Variants in C16orf74 observed in about 807,000 individuals in gnomAD.
The protein encoded by C16orf74 is calcimembrin.
C16orf74 carries 10 observed loss-of-function variants against 6.5 expected under a neutral mutation model. The ratio of observed to expected loss-of-function variants is 1.54; its 90% CI spans 0.95 to 2.61. C16orf74 has a LOEUF of 2.61. C16orf74 is among the 30% of genes most tolerant of loss of function. The pLI is 0.00. For missense variants in C16orf74, 141 were observed against 105.9 expected (o/e 1.33, Z -1.45); for synonymous variants, 60 against 42.5 (o/e 1.41, Z -1.60).
At chr16:85,748,925 ATTTTTT>A (rs748594620) in intron 1 of C16orf74, among the ~76,000 whole-genome samples, 8 of 73,122 alleles carry the variant, frequency 1.1e-4, no homozygotes, top group Non-Finnish European at 2.1e-4. Flanking sequence ...GGAGGCTTTG[ATTTTTT>A]TTTTTTTTTT....
At chr16:85,746,211 A>G (rs368765) in intron 1 of C16orf74, among the ~76,000 whole-genome samples, 152,013 of 152,132 alleles carry the variant, frequency 1, 75,947 homozygotes, top group Middle Eastern at 1. Flanking sequence ...TTAACTGGGC[A>G]TGGCAGAGGG....
At chr16:85,710,334 C>T (rs199610353) in intron 2 of C16orf74, 27 bp from the exon 3 acceptor site, 39 of 1,463,514 alleles carry the variant, frequency 2.7e-5, no homozygotes, top group Middle Eastern at 1.7e-4. Flanking sequence ...GGAGCACACA[C>T]GCACGTACAC....
chr16:85,727,095 C>G (rs548783253), intron 2 of C16orf74, among the ~76,000 whole-genome samples: 1 of 152,258 alleles, frequency 6.6e-6, no homozygotes, highest in Admixed American at 6.5e-5. Flanking sequence ...CCTGTAGCCC[C>G]GGCACCTGGG....
At chr16:85,740,800 C>A (rs1372039082) in intron 1 of C16orf74, among the ~76,000 whole-genome samples, 2 of 140,764 alleles carry the variant, frequency 1.4e-5, no homozygotes, top group African/African-American at 5.4e-5. Context: ...CCACTACACT[C>A]CAGCCTGGGC....
chr16:85,717,137 C>T (rs2054033438), intron 2 of C16orf74, among the ~76,000 whole-genome samples: 2 of 152,214 alleles, frequency 1.3e-5, no homozygotes, highest in South Asian at 2.1e-4. Flanking sequence ...GGCAGAGCCA[C>T]GCAGACCAGA....
intron 1 of C16orf74, among the ~76,000 whole-genome samples, chr16:85,739,180 AG>A (rs1420309705): frequency 6.6e-6 from 1 of 152,094 alleles, no homozygotes; most frequent in African/African-American, 2.4e-5. Context: ...AATAAGCCAG[AG>A]GGAAAGCTGC....
At chr16:85,728,898 C>A (rs1339286561) in intron 2 of C16orf74, among the ~76,000 whole-genome samples, 1 of 152,208 alleles carries the variant, frequency 6.6e-6, no homozygotes, top group African/African-American at 2.4e-5. Flanking sequence ...CTCAAAGTTA[C>A]ACAGCCACTG....
At chr16:85,747,643 C>A (rs190155187) in intron 1 of C16orf74, among the ~76,000 whole-genome samples, 89 of 152,234 alleles carry the variant, frequency 5.8e-4, no homozygotes, top group African/African-American at 2.0e-3. Context: ...AAGTATCAAA[C>A]TGTAAAATAT....
chr16:85,742,809 G>T (rs894869185), intron 1 of C16orf74, among the ~76,000 whole-genome samples: 6 of 152,182 alleles, frequency 3.9e-5, no homozygotes, highest in African/African-American at 1.2e-4. Flanking sequence ...CCAAAGTGCT[G>T]GGATTACAGG....
At chr16:85,722,552 G>T (rs1347590158) in intron 2 of C16orf74, among the ~76,000 whole-genome samples, 2 of 152,226 alleles carry the variant, frequency 1.3e-5, no homozygotes, top group East Asian at 3.8e-4. Flanking sequence ...ACTCTGCAAG[G>T]TGAGCTCTCC....
Position 85,711,241 on chromosome 16 carries a change from G to A in C16orf74, c.29-934C>T, listed in dbSNP as rs564616374. Among the ~76,000 whole-genome samples, 8 of 151,416 alleles carry A rather than the reference G, an allele frequency of 5.3e-5. No homozygotes were observed. In the South Asian group the frequency reaches 8.3e-4, roughly 16 times the overall value. On this transcript the variant is annotated intron_variant, in intron 2 of 3. Coordinates refer to ENST00000284245, the MANE Select transcript of C16orf74 (RefSeq NM_206967.3). ...AGCAGGAGGAGAATCACTTAAACCC[G>A]GGAGGCAGAGGTTGAAGTAGGCTGA...
At chr16:85,733,139 G>A (rs1567809464) in intron 2 of C16orf74, among the ~76,000 whole-genome samples, 1 of 152,222 alleles carries the variant, frequency 6.6e-6, no homozygotes, top group African/African-American at 2.4e-5. Context: ...TCGCCAAAAG[G>A]TGGAAACAAC....
chr16:85,727,329 G>C (rs1441438408), intron 2 of C16orf74, among the ~76,000 whole-genome samples: 4 of 152,216 alleles, frequency 2.6e-5, no homozygotes, highest in African/African-American at 4.8e-5. Flanking sequence ...ATCAACCCCA[G>C]GCTGAGCCCC....
At chr16:85,732,211 G>T (rs1042311658) in intron 2 of C16orf74, among the ~76,000 whole-genome samples, 5 of 152,196 alleles carry the variant, frequency 3.3e-5, no homozygotes, top group Admixed American at 3.3e-4. Flanking sequence ...AAGAAACGAG[G>T]CCCTGCTCAC....
intron 2 of C16orf74, chr16:85,710,785 C>G (rs893801599): frequency 6.5e-6 from 1 of 154,558 alleles, no homozygotes; most frequent in Non-Finnish European, 1.4e-5. Context: ...CAAGCTCCTG[C>G]TTATCCTTCA....
chr16:85,732,364 A>C (rs193274597), intron 2 of C16orf74, among the ~76,000 whole-genome samples: 1 of 152,144 alleles, frequency 6.6e-6, no homozygotes, highest in African/African-American at 2.4e-5. Context: ...TCAAATATGG[A>C]GTTAAAATGA....
chr16:85,732,899 C>T (rs368267180), intron 2 of C16orf74, among the ~76,000 whole-genome samples: 198 of 152,228 alleles, frequency 1.3e-3, no homozygotes, highest in Non-Finnish European at 2.3e-3. Flanking sequence ...GACAGGAAGA[C>T]GGTCCTTTTA....
intron 2 of C16orf74, among the ~76,000 whole-genome samples, chr16:85,734,015 T>C (rs1468466941): frequency 6.6e-6 from 1 of 152,180 alleles, no homozygotes; most frequent in Non-Finnish European, 1.5e-5. Context: ...GGGTGGTCCA[T>C]TCATCCCGGC....
At chr16:85,716,099 G>C (rs978701161) in intron 2 of C16orf74, among the ~76,000 whole-genome samples, 3 of 152,196 alleles carry the variant, frequency 2.0e-5, no homozygotes, top group Middle Eastern at 3.4e-3. Context: ...CCCCTTCCTC[G>C]GTGAATACTC....
Sources: allele counts gnomAD v4.1 joint callset (sites outside exome capture counted in the v4.1 genomes callset), GRCh38; gene constraint gnomAD v4.1.1; transcripts MANE v1.5; gene names NCBI Gene and HGNC (gene_info 2026-07-23, HGNC 2026-07-21).